The following CDH13 variants were observed in gnomAD, a reference collection of about 807,000 sequenced individuals.
CDH13 encodes cadherin 13, also known as cadherin-13.
A neutral mutation model predicts 63.8 loss-of-function variants in CDH13; 24 were observed. That is an observed-to-expected ratio of 0.38 (90% CI 0.27 to 0.53). The LOEUF is 0.53. Ranked by LOEUF, CDH13 falls within the 20% of genes least tolerant of loss-of-function variation. The probability of loss-of-function intolerance (pLI) is 0.85; values close to 1 mark genes in which losing one functional copy is unlikely to be tolerated. For missense variants in CDH13, 1,049 were observed against 903.1 expected (o/e 1.16, Z -2.07); for synonymous variants, 503 against 355.3 (o/e 1.42, Z -4.67).
chr16:82,899,176 G>GT (rs1362862887), intron 2 of CDH13, among the ~76,000 whole-genome samples: 2 of 152,214 alleles, frequency 1.3e-5, no homozygotes, highest in African/African-American at 4.8e-5. Flanking sequence ...CATTAGCTGA[G>GT]TGTGTGGGAG....
intron 6 of CDH13, among the ~76,000 whole-genome samples, chr16:83,412,249 G>A (rs748849899): frequency 2.6e-5 from 4 of 152,192 alleles, no homozygotes; most frequent in South Asian, 4.1e-4. Flanking sequence ...ATCACTTGAG[G>A]TCAGGAGTTC....
At chr16:83,501,033 C>G (rs1446660187) in intron 7 of CDH13, among the ~76,000 whole-genome samples, 3 of 152,312 alleles carry the variant, frequency 2.0e-5, no homozygotes, top group East Asian at 1.9e-4. Flanking sequence ...TCAAAACATT[C>G]CCACTTGAAA....
intron 7 of CDH13, among the ~76,000 whole-genome samples, chr16:83,534,655 A>G (rs7196614): frequency 0.54 from 81,642 of 152,094 alleles, 22,100 homozygotes; most frequent in Non-Finnish European, 0.58. Flanking sequence ...AGAGGTCAGC[A>G]CTTCTTTTCA....
intron 10 of CDH13, among the ~76,000 whole-genome samples, chr16:83,724,463 G>C (rs543477961): frequency 6.6e-6 from 1 of 152,086 alleles, no homozygotes; most frequent in Non-Finnish European, 1.5e-5. Flanking sequence ...ATGGGTGGAT[G>C]ATGAATGCAT....
rs533513971 is a variant in CDH13, at chr16:82,787,446, G to A, written c.46-70916G>A. On this transcript the variant is annotated intron_variant, in intron 1 of 13. Coordinates refer to ENST00000567109, the MANE Select transcript of CDH13 (RefSeq NM_001257.5). ...CCGTCACAGAAGGCAGATGTCGGTG[G>A]ACTGATACCAGATAGTAGAGAAATT... 3.1e-3 allele frequency among the ~76,000 whole-genome samples: 469 copies of A among 152,254 alleles called. 1 individual carries two copies. The highest frequency in any genetic ancestry group is 4.7e-3 in the Non-Finnish European group (319 of 68,026).
chr16:83,517,568 C>G (rs1175257417), intron 7 of CDH13, among the ~76,000 whole-genome samples: 3 of 152,088 alleles, frequency 2.0e-5, no homozygotes, highest in African/African-American at 7.2e-5. Flanking sequence ...TTGGCTAGAA[C>G]TAGTCATGTG....
At chr16:83,072,087 A>G (rs944573086) in intron 3 of CDH13, among the ~76,000 whole-genome samples, 1 of 152,178 alleles carries the variant, frequency 6.6e-6, no homozygotes, top group African/African-American at 2.4e-5. Context: ...AAATATGATT[A>G]TTTCAACATT....
intron 8 of CDH13, among the ~76,000 whole-genome samples, chr16:83,629,114 T>C (rs1231774657): frequency 2.0e-5 from 3 of 152,236 alleles, no homozygotes; most frequent in Non-Finnish European, 4.4e-5. Flanking sequence ...TAGATTCATT[T>C]CAAATGGAAA....
chr16:83,512,288 T>C (rs2074587027), intron 7 of CDH13, among the ~76,000 whole-genome samples: 1 of 150,378 alleles, frequency 6.6e-6, no homozygotes, highest in African/African-American at 2.5e-5. Context: ...ACCACTGCAC[T>C]CTAGCCTGGC....
intron 8 of CDH13, among the ~76,000 whole-genome samples, chr16:83,656,523 C>A (rs980966220): frequency 2.0e-5 from 3 of 152,098 alleles, no homozygotes; most frequent in African/African-American, 7.2e-5. Flanking sequence ...AGTTCTCATC[C>A]AGGTGCTGAC....
intron 1 of CDH13, among the ~76,000 whole-genome samples, chr16:82,662,040 G>C (rs1447452688): frequency 6.6e-6 from 1 of 152,192 alleles, no homozygotes; most frequent in East Asian, 1.9e-4. Context: ...GCAGATGTAG[G>C]ACATCCCCGC....
chr16:83,353,602 A>T (rs2091000364), intron 6 of CDH13, among the ~76,000 whole-genome samples: 1 of 152,236 alleles, frequency 6.6e-6, no homozygotes, highest in Non-Finnish European at 1.5e-5. Flanking sequence ...TTTTATTTAT[A>T]GCTCTCTCTC....
chr16:83,223,048 C>T (rs1310076865), intron 5 of CDH13, among the ~76,000 whole-genome samples: 2 of 130,366 alleles, frequency 1.5e-5, no homozygotes, highest in African/African-American at 5.4e-5. Context: ...GCTGATATTG[C>T]CAGTTGTCCT....
chr16:83,385,463 G>T (rs980430437), intron 6 of CDH13, among the ~76,000 whole-genome samples: 5 of 152,202 alleles, frequency 3.3e-5, no homozygotes, highest in African/African-American at 1.2e-4. Context: ...GTCAGAGTAA[G>T]CTCAGCTATG....
intron 4 of CDH13, among the ~76,000 whole-genome samples, chr16:83,161,931 A>G (rs2037464638): frequency 6.6e-6 from 1 of 152,232 alleles, no homozygotes; most frequent in Non-Finnish European, 1.5e-5. Context: ...ATCATTATTC[A>G]TGTAACTCTC....
chr16:82,671,230 A>G (rs755109312), intron 1 of CDH13, among the ~76,000 whole-genome samples: 17 of 152,248 alleles, frequency 1.1e-4, no homozygotes, highest in Admixed American at 2.0e-4. Context: ...TGTAAGTCAC[A>G]AATGAAGAAG....
At chr16:83,062,961 C>CTTT (rs1567794051) in intron 3 of CDH13, among the ~76,000 whole-genome samples, 1 of 109,518 alleles carries the variant, frequency 9.1e-6, no homozygotes. Context: ...TGGTGGTTGG[C>CTTT]ATTTTTTTTT....
intron 3 of CDH13, among the ~76,000 whole-genome samples, chr16:83,120,998 G>C (rs547104962): frequency 6.6e-6 from 1 of 151,968 alleles, no homozygotes; most frequent in African/African-American, 2.4e-5. Flanking sequence ...TCCTGACCTC[G>C]TGATCCTCCC....
chr16:82,962,277 C>T (rs1217357527), intron 2 of CDH13, among the ~76,000 whole-genome samples: 2 of 152,124 alleles, frequency 1.3e-5, no homozygotes, highest in Non-Finnish European at 2.9e-5. Context: ...GCAATATGGC[C>T]CCAAGCCAAG....
Sources: allele counts gnomAD v4.1 joint callset (sites outside exome capture counted in the v4.1 genomes callset), GRCh38; gene constraint gnomAD v4.1.1; transcripts MANE v1.5; gene names NCBI Gene and HGNC (gene_info 2026-07-23, HGNC 2026-07-21).